SCFD2: variants seen among roughly 807,000 people sequenced by gnomAD.
The protein encoded by SCFD2 is sec1 family domain-containing protein 2.
In SCFD2, 54 loss-of-function variants were observed where a neutral mutation model predicts 58.9. That is an observed-to-expected ratio of 0.92 (90% CI 0.74 to 1.15). The LOEUF is 1.15. Ranked by LOEUF, SCFD2 falls within the 50% of genes most tolerant of loss-of-function variation. The pLI is 0.00. For synonymous variants in SCFD2, 321 were observed against 335.9 expected, an observed-to-expected ratio of 0.96 and a Z score of 0.49; for missense variants, 805 against 836.6, an observed-to-expected ratio of 0.96 and a Z score of 0.47.
chr4:53,090,135 G>GA (rs1462508888), intron 5 of SCFD2, among the ~76,000 whole-genome samples: 2 of 152,148 alleles, frequency 1.3e-5, no homozygotes, highest in African/African-American at 2.4e-5. Flanking sequence ...TGGCAAGTGG[G>GA]ATTTCACTAA....
At position 53,075,603 on chromosome 4, in the gene SCFD2, C is replaced by T. The variant is rs552440879; in HGVS notation, c.1561+69730G>A. Among the ~76,000 whole-genome samples the T allele has an allele frequency of 2.6e-5, 4 of 152,242 alleles. 1 individual carries two copies. The East Asian group carries it at 7.7e-4, about 29-fold the overall frequency. On this transcript the variant is annotated intron_variant, in intron 5 of 8. Coordinates refer to ENST00000401642, the MANE Select transcript of SCFD2 (RefSeq NM_152540.4). Reference sequence around the variant, plus strand: ...TGAACACTTAGAGGCCACTGTAAGGCTGTTAATTAGGTTAGTTTCAATATT... The same window carrying T: ...TGAACACTTAGAGGCCACTGTAAGGTTGTTAATTAGGTTAGTTTCAATATT...
intron 3 of SCFD2, among the ~76,000 whole-genome samples, chr4:53,295,196 A>G (rs1430343941): frequency 6.6e-6 from 1 of 152,188 alleles, no homozygotes; most frequent in African/African-American, 2.4e-5. Flanking sequence ...TGGTAGCTTG[A>G]TGGGGATAGC....
chr4:53,079,870 A>G (rs1029196835), intron 5 of SCFD2, among the ~76,000 whole-genome samples: 9 of 152,194 alleles, frequency 5.9e-5, no homozygotes, highest in African/African-American at 2.2e-4. Context: ...TTTGATGACT[A>G]TATGGCATAT....
chr4:52,968,139 A>G lies in SCFD2; in HGVS notation c.1562-47269T>C, dbSNP rs567569590. Among the ~76,000 whole-genome samples the G allele has an allele frequency of 2.6e-5, 4 of 152,092 alleles. No individual in the cohort carries two copies. The South Asian group carries it at 8.3e-4, about 32-fold the overall frequency. On this transcript the variant is annotated intron_variant, in intron 5 of 8. Coordinates refer to ENST00000401642, the MANE Select transcript of SCFD2 (RefSeq NM_152540.4). Reference sequence around the variant, plus strand: ...CCACCCTTGCAGGGGAATCACAGCCATCAATGTTTGCTCATTCCATTTCTA... The same window carrying G: ...CCACCCTTGCAGGGGAATCACAGCCGTCAATGTTTGCTCATTCCATTTCTA...
chr4:53,272,007 G>C (rs1204028967), intron 4 of SCFD2, among the ~76,000 whole-genome samples: 2 of 151,856 alleles, frequency 1.3e-5, no homozygotes, highest in South Asian at 2.1e-4. Flanking sequence ...ACATTTACAA[G>C]AAAAAAACAA....
chr4:53,355,527 G>T (rs184927980), intron 1 of SCFD2, among the ~76,000 whole-genome samples: 1 of 152,110 alleles, frequency 6.6e-6, no homozygotes, highest in Non-Finnish European at 1.5e-5. Flanking sequence ...TTTAGTAACA[G>T]TAGCTACCAT....
At chr4:52,935,194 G>C (rs1415828067) in intron 5 of SCFD2, among the ~76,000 whole-genome samples, 2 of 152,198 alleles carry the variant, frequency 1.3e-5, no homozygotes, top group Admixed American at 1.3e-4. Flanking sequence ...TTGGCATATG[G>C]AAGGAGCTCA....
At chr4:53,016,212 C>T (rs1410481811) in intron 5 of SCFD2, among the ~76,000 whole-genome samples, 2 of 152,180 alleles carry the variant, frequency 1.3e-5, no homozygotes, top group African/African-American at 2.4e-5. Context: ...TGAAAGGACA[C>T]GCTGCTGGAA....
chr4:53,298,097 TGCAGGACAGTGGGA>T (rs1347782496), intron 3 of SCFD2, among the ~76,000 whole-genome samples: 1 of 151,904 alleles, frequency 6.6e-6, no homozygotes, highest in Non-Finnish European at 1.5e-5. Flanking sequence ...GGACAGTGGG[TGCAGGACAGTGGGA>T]GCAGCACACC....
At chr4:53,217,072 G>C (rs1184141897) in intron 4 of SCFD2, among the ~76,000 whole-genome samples, 1 of 152,114 alleles carries the variant, frequency 6.6e-6, no homozygotes, top group African/African-American at 2.4e-5. Context: ...CCAGCTATGT[G>C]GTCAATTTTG....
chr4:53,144,730 CTG>C (rs1278315979), intron 5 of SCFD2, among the ~76,000 whole-genome samples: 4 of 151,856 alleles, frequency 2.6e-5, no homozygotes, highest in Non-Finnish European at 4.4e-5. Context: ...ATAATACTCT[CTG>C]TATTTTGCTA....
intron 2 of SCFD2, among the ~76,000 whole-genome samples, chr4:53,339,826 T>G (rs1157327382): frequency 2.0e-5 from 3 of 151,260 alleles, no homozygotes; most frequent in African/African-American, 4.9e-5. Flanking sequence ...AAAAAGAAGT[T>G]CAAGTAACTC....
chr4:53,096,899 T>C (rs982550850), intron 5 of SCFD2, among the ~76,000 whole-genome samples: 6 of 152,172 alleles, frequency 3.9e-5, no homozygotes, highest in Non-Finnish European at 7.4e-5. Context: ...GTATAAGGTG[T>C]AAGGAAGGGA....
intron 5 of SCFD2, among the ~76,000 whole-genome samples, chr4:53,114,601 A>G (rs144485986): frequency 7.9e-5 from 12 of 152,308 alleles, no homozygotes; most frequent in African/African-American, 2.9e-4. Context: ...AAAGGCTGAA[A>G]GAAAAATACA....
chr4:52,939,808 A>T lies in SCFD2; in HGVS notation c.1562-18938T>A, dbSNP rs1560487258. On this transcript the variant is annotated intron_variant, in intron 5 of 8. Transcript: ENST00000401642. ...AATGGCCAAATAAAGAAGCACCATGAACGTCATCATCTCTTCCTGTCCAGA... is the reference window on the plus strand; with the variant it reads ...AATGGCCAAATAAAGAAGCACCATGTACGTCATCATCTCTTCCTGTCCAGA... Among the ~76,000 whole-genome samples the T allele has an allele frequency of 2.0e-5, 3 of 152,218 alleles. No homozygotes were observed. In the South Asian group the frequency reaches 6.2e-4, roughly 32 times the overall value.
At chr4:53,201,845 A>C (rs1192211802) in intron 4 of SCFD2, among the ~76,000 whole-genome samples, 1 of 152,134 alleles carries the variant, frequency 6.6e-6, no homozygotes, top group Non-Finnish European at 1.5e-5. Flanking sequence ...GTCTGTTCAT[A>C]TCCTTGGCCC....
At chr4:53,229,602 C>A (rs1257181847) in intron 4 of SCFD2, among the ~76,000 whole-genome samples, 2 of 152,284 alleles carry the variant, frequency 1.3e-5, no homozygotes, top group South Asian at 2.1e-4. Flanking sequence ...CTTCCTTACA[C>A]CTTATACAAA....
chr4:53,296,064 T>C (rs1262676789), intron 3 of SCFD2, among the ~76,000 whole-genome samples: 1 of 152,248 alleles, frequency 6.6e-6, no homozygotes, highest in East Asian at 1.9e-4. Context: ...GATTTTCACA[T>C]CAATGTTCAT....
At chr4:53,359,664 C>A (rs1734497277) in intron 1 of SCFD2, among the ~76,000 whole-genome samples, 1 of 152,188 alleles carries the variant, frequency 6.6e-6, no homozygotes, top group African/African-American at 2.4e-5. Flanking sequence ...ATCTAAGCCA[C>A]AATTTGATGT....
Sources: allele counts gnomAD v4.1 joint callset (sites outside exome capture counted in the v4.1 genomes callset), GRCh38; gene constraint gnomAD v4.1.1; transcripts MANE v1.5; gene names NCBI Gene and HGNC (gene_info 2026-07-23, HGNC 2026-07-21).